SEMA5A: variants seen among roughly 807,000 people sequenced by gnomAD.
SEMA5A encodes the protein semaphorin 5A, also known as semaphorin-5A.
In SEMA5A, 55 loss-of-function variants were observed where a neutral mutation model predicts 135.5. The ratio of observed to expected loss-of-function variants is 0.41; its 90% confidence interval spans 0.33 to 0.51. The LOEUF (loss-of-function observed/expected upper bound fraction) is 0.51, where lower values mean the gene tolerates loss of function less well. Among genes scored for constraint, SEMA5A ranks in the 20% least tolerant of loss-of-function variants. The probability of loss-of-function intolerance (pLI) is 0.37; values close to 1 mark genes in which losing one functional copy is unlikely to be tolerated. For synonymous variants in SEMA5A, 580 were observed against 546.5 expected (o/e 1.06, Z -0.85); for missense variants, 1,290 against 1,419.9 (o/e 0.91, Z 1.47).
intron 5 of SEMA5A, among the ~76,000 whole-genome samples, chr5:9,306,268 T>C (rs1288352673): frequency 6.6e-6 from 1 of 152,154 alleles, no homozygotes; most frequent in African/African-American, 2.4e-5. Flanking sequence ...AGACTCAAGT[T>C]GTATGTGAGT....
At chr5:9,166,169 C>T (rs1483992547) in intron 11 of SEMA5A, among the ~76,000 whole-genome samples, 1 of 152,192 alleles carries the variant, frequency 6.6e-6, no homozygotes, top group Admixed American at 6.5e-5. Context: ...GCCTGACCCT[C>T]TGCATGTAAG....
At chr5:9,475,968 C>T (rs916657947) in intron 1 of SEMA5A, among the ~76,000 whole-genome samples, 3 of 152,114 alleles carry the variant, frequency 2.0e-5, no homozygotes, top group South Asian at 2.1e-4. Context: ...GTATATTCTT[C>T]GAAACATATC....
intron 9 of SEMA5A, among the ~76,000 whole-genome samples, chr5:9,198,159 C>T (rs1245089278): frequency 6.6e-6 from 1 of 152,176 alleles, no homozygotes; most frequent in Non-Finnish European, 1.5e-5. Flanking sequence ...GACAATACCA[C>T]AAGCATTTCT....
At chr5:9,369,424 A>G (rs1441183289) in intron 3 of SEMA5A, among the ~76,000 whole-genome samples, 4 of 152,120 alleles carry the variant, frequency 2.6e-5, no homozygotes, top group Non-Finnish European at 4.4e-5. Context: ...CCTAATTCAA[A>G]GTTTTGGAAA....
At chr5:9,136,464 T>A (rs1470324120) in intron 13 of SEMA5A, 40 bp downstream of exon 13, 1 of 1,534,710 alleles carries the variant, frequency 6.5e-7, no homozygotes, top group Non-Finnish European at 9.0e-7. Context: ...ATGGCTCCCA[T>A]GGGCAGCATT....
chr5:9,437,727 T>C (rs534992414), intron 2 of SEMA5A, 29 bp downstream of exon 2: 1 of 152,316 alleles, frequency 6.6e-6, no homozygotes, highest in East Asian at 1.9e-4. Context: ...TTTTAGTTTC[T>C]TCACTTCCCA....
chr5:9,501,354 G>C (rs998156173), intron 1 of SEMA5A, among the ~76,000 whole-genome samples: 2 of 152,166 alleles, frequency 1.3e-5, no homozygotes, highest in African/African-American at 4.8e-5. Context: ...TTACTCTAAA[G>C]ATAAGTGTCA....
At chr5:9,162,564 G>GTATATATGTATATATA (rs1553995447) in intron 11 of SEMA5A, among the ~76,000 whole-genome samples, 24 of 84,014 alleles carry the variant, frequency 2.9e-4, no homozygotes, top group Non-Finnish European at 5.5e-4. Flanking sequence ...GTGTGTGTGT[G>GTATATATGTATATATA]TATATATATA....
rs1299515169 is a variant in SEMA5A, at chr5:9,038,831, G to A, written c.*4066C>T. 2 of 150,352 alleles carry A rather than the reference G, an allele frequency of 1.3e-5. No homozygotes were observed. Among genetic ancestry groups the A allele is most frequent in the East Asian group, 4.0e-4 (2 of 5,002 alleles). 9.3% of individuals were successfully genotyped at this position (150,352 alleles called of 1,614,324 possible). A position where few individuals can be genotyped will look rare whatever the true frequency, so the allele number is the denominator to read the frequency against. On this transcript the variant is annotated 3_prime_UTR_variant, in exon 23 of 23. Coordinates refer to ENST00000382496, the MANE Select transcript of SEMA5A (RefSeq NM_003966.3). ...GCAACCTCAACCTCCTGGCTCAAAT[G>A]ATACTCCCGCCTCAGCCTCCCAAGA...
At chr5:9,453,270 G>A (rs1444722855) in intron 1 of SEMA5A, among the ~76,000 whole-genome samples, 3 of 152,188 alleles carry the variant, frequency 2.0e-5, no homozygotes, top group Non-Finnish European at 4.4e-5. Context: ...TCATGGACAT[G>A]AGCAGTGAAA....
At chr5:9,373,532 A>C (rs934517276) in intron 3 of SEMA5A, among the ~76,000 whole-genome samples, 7 of 152,196 alleles carry the variant, frequency 4.6e-5, no homozygotes, top group Admixed American at 2.6e-4. Flanking sequence ...TCACGAGTCC[A>C]TGCAGCTCTT....
intron 4 of SEMA5A, 24 bp from the exon 5 acceptor site, chr5:9,318,441 G>A (rs773232883): frequency 3.8e-6 from 6 of 1,591,956 alleles, no homozygotes; most frequent in Non-Finnish European, 5.1e-6. Flanking sequence ...AAACAGAGCA[G>A]TTTTATTTTT....
At chr5:9,121,605 T>A (rs1740815880) in intron 14 of SEMA5A, among the ~76,000 whole-genome samples, 1 of 152,254 alleles carries the variant, frequency 6.6e-6, no homozygotes, top group Non-Finnish European at 1.5e-5. Context: ...TTGTAAGTTT[T>A]ACCCAGGCAT....
At chr5:9,106,743 T>C (rs1373378369) in intron 16 of SEMA5A, among the ~76,000 whole-genome samples, 1 of 152,224 alleles carries the variant, frequency 6.6e-6, no homozygotes, top group Admixed American at 6.5e-5. Context: ...TTATTTAAAA[T>C]AAATAGTTTT....
At chr5:9,510,690 C>A (rs1484307445) in intron 1 of SEMA5A, among the ~76,000 whole-genome samples, 1 of 152,132 alleles carries the variant, frequency 6.6e-6, no homozygotes, top group East Asian at 1.9e-4. Context: ...TATTATATTT[C>A]TAATCCTTCT....
intron 1 of SEMA5A, among the ~76,000 whole-genome samples, chr5:9,513,239 T>C (rs1301887732): frequency 1.3e-5 from 2 of 151,978 alleles, no homozygotes; most frequent in East Asian, 1.9e-4. Flanking sequence ...AATTTAGGGA[T>C]GTTAATAATT....
chr5:9,270,690 G>A lies in SEMA5A; in HGVS notation c.271-32800C>T, dbSNP rs75119960. ...CAGCCCAGATTTGGCATACTCTGAT[G>A]TTGGGGCAGCGGGTGGGGGCAGGGG... is the stretch of plus-strand genomic sequence containing the variant. On this transcript the variant is annotated intron_variant, in intron 5 of 22. Coordinates refer to ENST00000382496, the MANE Select transcript of SEMA5A (RefSeq NM_003966.3). Among the ~76,000 whole-genome samples, 58 of 152,038 alleles carry A rather than the reference G, an allele frequency of 3.8e-4. No individual in the cohort carries two copies. In the East Asian group the frequency reaches 0.01, roughly 27 times the overall value.
intron 12 of SEMA5A, among the ~76,000 whole-genome samples, chr5:9,154,093 A>ATG (rs1553993817): frequency 2.2e-4 from 16 of 73,502 alleles, no homozygotes; most frequent in Non-Finnish European, 2.9e-4. Context: ...ATATATATAT[A>ATG]TGTGTGTGTG....
chr5:9,059,200 G>T, intron 18 of SEMA5A, among the ~76,000 whole-genome samples: 1 of 150,414 alleles, frequency 6.6e-6, no homozygotes, highest in South Asian at 2.1e-4. Flanking sequence ...TAAGTTTTAG[G>T]GTACATGTGC....
Sources: gnomAD v4.1 joint callset for allele counts (sites outside exome capture counted in the v4.1 genomes callset) on GRCh38, gnomAD v4.1.1 for gene constraint, MANE v1.5 for transcripts, NCBI Gene and HGNC (gene_info 2026-07-23, HGNC 2026-07-21) for gene names.